The following GABRB1 variants were observed in gnomAD, a reference collection of about 807,000 sequenced individuals.
GABRB1 encodes gamma-aminobutyric acid type A receptor subunit beta1, also known as gamma-aminobutyric acid receptor subunit beta-1.
A neutral mutation model predicts 51.6 loss-of-function variants in GABRB1; 17 were observed. That is an observed-to-expected ratio of 0.33 (90% CI 0.23 to 0.49). The LOEUF (loss-of-function observed/expected upper bound fraction) is 0.49. Ranked by LOEUF, GABRB1 falls within the 20% of genes least tolerant of loss-of-function variation. The pLI, the probability that GABRB1 is intolerant of heterozygous loss-of-function variation, is 0.99. For missense variants in GABRB1, 410 were observed against 600.6 expected (o/e 0.68, Z 3.32); for synonymous variants, 247 against 218.9 (o/e 1.13, Z -1.14).
chr4:47,364,808 C>A (rs1726921883), intron 5 of GABRB1, among the ~76,000 whole-genome samples: 1 of 151,244 alleles, frequency 6.6e-6, no homozygotes, highest in South Asian at 2.1e-4. Context: ...GCATAAAATT[C>A]TTTTAAAGAC....
At chr4:47,299,055 G>A (rs1400238627) in intron 4 of GABRB1, among the ~76,000 whole-genome samples, 29 of 151,180 alleles carry the variant, frequency 1.9e-4, no homozygotes, top group African/African-American at 6.8e-4. Flanking sequence ...GCTGAAACTG[G>A]ATCCCTTCCT....
intron 3 of GABRB1, among the ~76,000 whole-genome samples, chr4:47,128,597 T>C (rs1361651857): frequency 6.6e-6 from 1 of 152,032 alleles, no homozygotes; most frequent in East Asian, 1.9e-4. Flanking sequence ...AAATATAACT[T>C]AGAGTATAGA....
intron 5 of GABRB1, among the ~76,000 whole-genome samples, chr4:47,341,272 G>A (rs752814118): frequency 8.5e-5 from 13 of 152,122 alleles, no homozygotes; most frequent in Non-Finnish European, 1.8e-4. Flanking sequence ...AAAGCAATCC[G>A]AAATACCCAC....
At chr4:47,377,403 G>A (rs192886659) in intron 5 of GABRB1, among the ~76,000 whole-genome samples, 80 of 151,586 alleles carry the variant, frequency 5.3e-4, no homozygotes, top group Non-Finnish European at 8.4e-4. Flanking sequence ...ATGTTCGGAA[G>A]TGTTCGAAGT....
At chr4:47,302,658 G>A (rs897839301) in intron 4 of GABRB1, among the ~76,000 whole-genome samples, 2 of 151,816 alleles carry the variant, frequency 1.3e-5, no homozygotes, top group Non-Finnish European at 2.9e-5. Flanking sequence ...GATTTTCAGG[G>A]TACAAGATCT....
intron 4 of GABRB1, among the ~76,000 whole-genome samples, chr4:47,192,412 G>A (rs183104407): frequency 2.7e-3 from 404 of 152,212 alleles, no homozygotes; most frequent in Non-Finnish European, 4.3e-3. Context: ...AAAGGAAAAT[G>A]TAATTTAATC....
intron 5 of GABRB1, among the ~76,000 whole-genome samples, chr4:47,394,599 G>A (rs1045679502): frequency 6.6e-6 from 1 of 152,134 alleles, no homozygotes; most frequent in Non-Finnish European, 1.5e-5. Context: ...AATTTGGACT[G>A]TATTGCCTTG....
chr4:47,237,939 T>C (rs1454812828), intron 4 of GABRB1, among the ~76,000 whole-genome samples: 1 of 152,076 alleles, frequency 6.6e-6, no homozygotes, highest in Non-Finnish European at 1.5e-5. Flanking sequence ...AATTTCATAA[T>C]TTTTGTTGTA....
intron 4 of GABRB1, among the ~76,000 whole-genome samples, chr4:47,171,412 A>G (rs1187034601): frequency 3.3e-5 from 5 of 152,146 alleles, no homozygotes; most frequent in Non-Finnish European, 7.4e-5. Flanking sequence ...TCTTGAGAAG[A>G]TGTATCAGAT....
intron 4 of GABRB1, among the ~76,000 whole-genome samples, chr4:47,294,125 G>A (rs1007587300): frequency 1.3e-5 from 2 of 152,260 alleles, no homozygotes; most frequent in East Asian, 3.9e-4. Context: ...GTGGGGGGCA[G>A]CCAAGATGGC....
chr4:47,351,532 T>C (rs1041730689), intron 5 of GABRB1, among the ~76,000 whole-genome samples: 2 of 150,856 alleles, frequency 1.3e-5, no homozygotes, highest in African/African-American at 2.4e-5. Flanking sequence ...TAGCATTAGG[T>C]ATATCTCCTA....
At chr4:47,026,786 C>A (rs1725109541), upstream of GABRB1, among the ~76,000 whole-genome samples, 1 of 151,944 alleles carries the variant, frequency 6.6e-6, no homozygotes, top group African/African-American at 2.4e-5. Flanking sequence ...TTTAATTATA[C>A]AGGAGAAGTT....
chr4:47,113,251 T>C (rs1715312637), intron 3 of GABRB1, among the ~76,000 whole-genome samples: 1 of 151,984 alleles, frequency 6.6e-6, no homozygotes, highest in African/African-American at 2.4e-5. Context: ...CTGGGTGTGG[T>C]GTCGTGCACC....
intron 5 of GABRB1, among the ~76,000 whole-genome samples, chr4:47,364,639 T>A (rs1726917585): frequency 1.4e-5 from 2 of 143,234 alleles, no homozygotes; most frequent in East Asian, 2.1e-4. Flanking sequence ...AATTTAAACA[T>A]GAAAGAAGGA....
intron 4 of GABRB1, among the ~76,000 whole-genome samples, chr4:47,208,725 G>A (rs566200216): frequency 3.9e-5 from 6 of 152,000 alleles, no homozygotes; most frequent in Non-Finnish European, 7.4e-5. Context: ...TGACACTATC[G>A]TAGTCCTAGG....
At chr4:47,176,860 A>G (rs892345834) in intron 4 of GABRB1, among the ~76,000 whole-genome samples, 1 of 152,146 alleles carries the variant, frequency 6.6e-6, no homozygotes, top group Admixed American at 6.6e-5. Flanking sequence ...TGTGGTGGTA[A>G]CATATAATCA....
At chr4:47,251,678 C>T (rs1017570317) in intron 4 of GABRB1, among the ~76,000 whole-genome samples, 1 of 152,214 alleles carries the variant, frequency 6.6e-6, no homozygotes. Context: ...TACAGGGGTA[C>T]AGGAAGCAAC....
intron 4 of GABRB1, among the ~76,000 whole-genome samples, chr4:47,276,926 C>G (rs943658404): frequency 2.0e-5 from 3 of 151,814 alleles, no homozygotes; most frequent in African/African-American, 7.3e-5. Flanking sequence ...TAAAATGGCC[C>G]CAGACTGAGA....
chr4:47,298,115 C>A (rs970350139), intron 4 of GABRB1, among the ~76,000 whole-genome samples: 11 of 152,130 alleles, frequency 7.2e-5, no homozygotes, highest in Non-Finnish European at 1.2e-4. Context: ...CTATCTATGA[C>A]AAACCCACAG....
Sources: allele counts gnomAD v4.1 joint callset (sites outside exome capture counted in the v4.1 genomes callset), GRCh38; gene constraint gnomAD v4.1.1; transcripts MANE v1.5; gene names NCBI Gene and HGNC (gene_info 2026-07-23, HGNC 2026-07-21).